CCDC178: variants seen among roughly 807,000 people sequenced by gnomAD.
The protein encoded by CCDC178 is coiled-coil domain-containing protein 178.
CCDC178 carries 126 observed loss-of-function variants against 117.4 expected under a neutral mutation model. That is an observed-to-expected ratio of 1.07 (90% CI 0.93 to 1.24). The LOEUF is 1.24. Ranked by LOEUF, CCDC178 falls within the 50% of genes most tolerant of loss-of-function variation. The pLI is 0.00. For missense variants in CCDC178, 1,030 were observed against 986.9 expected (o/e 1.04, Z -0.59); for synonymous variants, 283 against 313.4 (o/e 0.90, Z 1.02).
chr18:33,224,795 G>A lies in CCDC178; in HGVS notation c.1798C>T (p.Leu600Phe), dbSNP rs61735129. ...LEDEAERIRS[L>F]DKEHSVMLNN... ...CTTACAACAGAATGTTCTTTGTCGAGACTTCTGATTCTTTCAGCTTCATCT... is the reference window on the plus strand; with the variant it reads ...CTTACAACAGAATGTTCTTTGTCGAAACTTCTGATTCTTTCAGCTTCATCT... The change falls in exon 17 of 23, where the codon CTC becomes TTC. Residue 600 changes from leucine (L) to phenylalanine (F), a missense_variant. By Grantham distance (22) the Leu-to-Phe change is conservative. Coordinates refer to ENST00000383096, the MANE Select transcript of CCDC178 (RefSeq NM_001105528.4). The A allele has an allele frequency of 6.4e-5, 98 of 1,532,464 alleles. No individual in the cohort carries two copies. The African/African-American group carries it at 1.1e-3, about 17-fold the overall frequency. 94.9% of individuals were successfully genotyped at this position (1,532,464 alleles called of 1,614,324 possible). A position where few individuals can be genotyped will look rare whatever the true frequency, so the allele number is the denominator to read the frequency against.
chr18:32,957,351 ATTTG>A (rs1474932212), intron 22 of CCDC178, among the ~76,000 whole-genome samples: 1 of 152,118 alleles, frequency 6.6e-6, no homozygotes, highest in Non-Finnish European at 1.5e-5. Flanking sequence ...AGATGTTTTT[ATTTG>A]TTTGTTTGCT....
intron 21 of CCDC178, among the ~76,000 whole-genome samples, chr18:32,992,452 T>G (rs2144745699): frequency 1.3e-5 from 2 of 152,262 alleles, no homozygotes; most frequent in East Asian, 3.9e-4. Context: ...AAAGATGCTT[T>G]GAAAGTAAGT....
chr18:33,126,145 G>A (rs1372633339), intron 20 of CCDC178, among the ~76,000 whole-genome samples: 1 of 152,106 alleles, frequency 6.6e-6, no homozygotes, highest in East Asian at 1.9e-4. Flanking sequence ...GTTCAAGCAA[G>A]TGATTATGGT....
At chr18:33,222,060 T>C (rs1055813111) in intron 18 of CCDC178, among the ~76,000 whole-genome samples, 7 of 152,162 alleles carry the variant, frequency 4.6e-5, no homozygotes, top group Non-Finnish European at 1.0e-4. Flanking sequence ...AGTTTAAGCA[T>C]GTTTATATTA....
At chr18:33,385,896 CA>C (rs1442517729) in intron 5 of CCDC178, among the ~76,000 whole-genome samples, 2 of 152,022 alleles carry the variant, frequency 1.3e-5, no homozygotes, top group African/African-American at 2.4e-5. Context: ...AACATCACTT[CA>C]AAAACATGAA....
intron 21 of CCDC178, among the ~76,000 whole-genome samples, chr18:33,043,944 A>C (rs1189359505): frequency 6.6e-6 from 1 of 151,688 alleles, no homozygotes; most frequent in Admixed American, 6.6e-5. Context: ...GCAAAACAAA[A>C]TTATATTTAA....
intron 12 of CCDC178, among the ~76,000 whole-genome samples, chr18:33,278,153 G>T (rs1191753241): frequency 6.6e-6 from 1 of 151,548 alleles, no homozygotes; most frequent in African/African-American, 2.4e-5. Context: ...ATATCCTGGG[G>T]TGAAATGTCT....
At chr18:33,245,790 A>G (rs1375628973) in intron 14 of CCDC178, among the ~76,000 whole-genome samples, 2 of 151,934 alleles carry the variant, frequency 1.3e-5, no homozygotes, top group African/African-American at 4.8e-5. Flanking sequence ...TCAATGGAAA[A>G]GCCTAAACAA....
intron 2 of CCDC178, among the ~76,000 whole-genome samples, chr18:33,429,368 G>A (rs1568221308): frequency 6.6e-6 from 1 of 151,854 alleles, no homozygotes; most frequent in East Asian, 1.9e-4. Flanking sequence ...GGGGGAGAGA[G>A]AGACAGACAG....
At chr18:33,313,255 G>A (rs1340229886) in intron 11 of CCDC178, among the ~76,000 whole-genome samples, 1 of 152,158 alleles carries the variant, frequency 6.6e-6, no homozygotes, top group African/African-American at 2.4e-5. Flanking sequence ...GTTATTTTAA[G>A]GTTATTAGAG....
intron 15 of CCDC178, among the ~76,000 whole-genome samples, chr18:33,228,723 G>C (rs1599027101): frequency 6.6e-6 from 1 of 152,200 alleles, no homozygotes; most frequent in East Asian, 1.9e-4. Context: ...GTCACCAGGA[G>C]AGAAAGTATT....
chr18:33,406,444 T>C (rs1022342247), intron 3 of CCDC178, among the ~76,000 whole-genome samples: 1 of 152,038 alleles, frequency 6.6e-6, no homozygotes. Flanking sequence ...AAGACTACTA[T>C]ATAAAATAAT....
chr18:33,085,512 G>A (rs2057366838), intron 21 of CCDC178, among the ~76,000 whole-genome samples: 1 of 152,140 alleles, frequency 6.6e-6, no homozygotes, highest in South Asian at 2.1e-4. Context: ...GCAGTGAGCC[G>A]AGATCGCGCC....
chr18:33,391,333 A>T (rs543774373), intron 4 of CCDC178, among the ~76,000 whole-genome samples: 1 of 152,144 alleles, frequency 6.6e-6, no homozygotes, highest in South Asian at 2.1e-4. Context: ...TTATTTTTTA[A>T]CATAAAGAGA....
intron 20 of CCDC178, among the ~76,000 whole-genome samples, chr18:33,123,920 G>A (rs1379898522): frequency 6.6e-6 from 1 of 152,072 alleles, no homozygotes; most frequent in Non-Finnish European, 1.5e-5. Flanking sequence ...CAAACTATTG[G>A]GCATGTAACT....
chr18:33,136,909 C>T lies in CCDC178; in HGVS notation c.2239-43999G>A, dbSNP rs774187943. Among the ~76,000 whole-genome samples, 10 of 152,064 alleles carry T rather than the reference C, an allele frequency of 6.6e-5. 1 individual carries two copies. The highest frequency in any genetic ancestry group is 1.5e-4 in the Non-Finnish European group (10 of 68,010). ...TTCATTAATACATAATTGTTAAGCACCTATTAGGTGCCAAGCTATCTCTTA... is the reference window on the plus strand; with the variant it reads ...TTCATTAATACATAATTGTTAAGCATCTATTAGGTGCCAAGCTATCTCTTA... On this transcript the variant is annotated intron_variant, in intron 20 of 22. Coordinates refer to ENST00000383096, the MANE Select transcript of CCDC178 (RefSeq NM_001105528.4).
chr18:33,049,918 C>T (rs188651621), intron 21 of CCDC178, among the ~76,000 whole-genome samples: 124 of 151,656 alleles, frequency 8.2e-4, no homozygotes, highest in African/African-American at 2.9e-3. Context: ...CCTGTCTCTA[C>T]TAAAAATACA....
At chr18:33,302,433 A>G (rs936317747) in intron 11 of CCDC178, among the ~76,000 whole-genome samples, 1 of 152,232 alleles carries the variant, frequency 6.6e-6, no homozygotes, top group African/African-American at 2.4e-5. Context: ...GTAAACTAGT[A>G]CAGCTGCTAT....
chr18:32,985,789 T>C (rs914104722), intron 21 of CCDC178, among the ~76,000 whole-genome samples: 6 of 152,032 alleles, frequency 3.9e-5, no homozygotes, highest in Non-Finnish European at 7.4e-5. Context: ...TGGAAATTTA[T>C]TATGGTAGCA....
Sources: allele counts gnomAD v4.1 joint callset (sites outside exome capture counted in the v4.1 genomes callset), GRCh38; gene constraint gnomAD v4.1.1; transcripts MANE v1.5; gene names NCBI Gene and HGNC (gene_info 2026-07-23, HGNC 2026-07-21).